The following MLN variants were observed in gnomAD, a reference collection of about 807,000 sequenced individuals.
The protein encoded by MLN is promotilin.
In MLN, 14 loss-of-function variants were observed where a neutral mutation model predicts 13.3. The observed-to-expected ratio is 1.05, with a 90% confidence interval of 0.69 to 1.64. The LOEUF is 1.64. Ranked by LOEUF, MLN falls within the 40% of genes most tolerant of loss-of-function variation. The probability of loss-of-function intolerance (pLI) is 0.00; values close to 1 mark genes in which losing one functional copy is unlikely to be tolerated. For synonymous variants in MLN, 59 were observed against 54.7 expected (o/e 1.08, Z -0.34); for missense variants, 122 against 142.9 (o/e 0.85, Z 0.75).
At chr6:33,796,180 G>C (rs1323143512) in intron 3 of MLN, among the ~76,000 whole-genome samples, 1 of 152,144 alleles carries the variant, frequency 6.6e-6, no homozygotes, top group Non-Finnish European at 1.5e-5. Context: ...AGTATTCTAA[G>C]CTTTACACTT....
At chr6:33,802,086 A>T (rs1465212515) in intron 1 of MLN, among the ~76,000 whole-genome samples, 1 of 152,086 alleles carries the variant, frequency 6.6e-6, no homozygotes, top group Non-Finnish European at 1.5e-5. Context: ...GGCCTAGCTG[A>T]GTGCCAGCCA....
At chr6:33,802,928 C>T (rs945124559) in intron 1 of MLN, among the ~76,000 whole-genome samples, 1 of 152,168 alleles carries the variant, frequency 6.6e-6, no homozygotes, top group Admixed American at 6.5e-5. Flanking sequence ...ATCCCATTTC[C>T]TTCACAGAGA....
intron 4 of MLN, among the ~76,000 whole-genome samples, 191 bp from the exon 5 acceptor site, chr6:33,795,026 C>G (rs949921422): frequency 2.6e-5 from 4 of 152,234 alleles, no homozygotes; most frequent in Non-Finnish European, 5.9e-5. Flanking sequence ...CCCAGTTTCT[C>G]CATCACTAAC....
intron 1 of MLN, among the ~76,000 whole-genome samples, chr6:33,802,216 G>A (rs1413775888): frequency 2.0e-5 from 3 of 152,176 alleles, no homozygotes; most frequent in Non-Finnish European, 4.4e-5. Flanking sequence ...GGCACAGGGG[G>A]CAGGCCTGTT....
chr6:33,798,679 C>T (rs1221578783), intron 3 of MLN, among the ~76,000 whole-genome samples: 1 of 152,228 alleles, frequency 6.6e-6, no homozygotes, highest in Non-Finnish European at 1.5e-5. Context: ...ACTCGACTAA[C>T]CCCTGCCACA....
chr6:33,800,962 G>T, intron 2 of MLN, 85 bp downstream of exon 2: 1 of 1,071,090 alleles, frequency 9.3e-7, no homozygotes, highest in Non-Finnish European at 1.4e-6. Context: ...TTGGGTCCTG[G>T]TCCTTTACAC....
chr6:33,796,526 CT>C (rs1385733013), intron 3 of MLN, among the ~76,000 whole-genome samples: 1 of 152,248 alleles, frequency 6.6e-6, no homozygotes, highest in Non-Finnish European at 1.5e-5. Context: ...GCTGCACAAA[CT>C]AGCCAGCAGA....
At position 33,795,586 on chromosome 6, in the gene MLN, A is replaced by G. The variant is rs758070439; in HGVS notation, c.254T>C (p.Ile85Thr). 6 of 1,559,646 alleles carry G rather than the reference A, an allele frequency of 3.8e-6. No individual in the cohort carries two copies. The highest frequency in any genetic ancestry group is 2.4e-5 in the East Asian group (1 of 42,330). The change falls in exon 4 of 5, where the codon ATT (isoleucine) becomes ACT (threonine). Residue 85 changes from isoleucine (I) to threonine (T), a missense_variant. By Grantham distance (89) the Ile-to-Thr change is moderately conservative. Coordinates refer to ENST00000430124, the MANE Select transcript of MLN (RefSeq NM_002418.3). ...CTGTCTGGAGTTCATCCTCATTCCA[A>G]TTTCCAGAGGAGCAGTCAGCTGTGA... Reference protein sequence around the residue: ...EMIKLTAPLEIGMRMNSRQLE... With the variant: ...EMIKLTAPLETGMRMNSRQLE...
At chr6:33,800,467 C>T (rs927520983) in intron 2 of MLN, among the ~76,000 whole-genome samples, 86 of 152,318 alleles carry the variant, frequency 5.6e-4, no homozygotes, top group African/African-American at 1.9e-3. Context: ...CCTTGTTTCC[C>T]GCCTCTGGGC....
At position 33,799,138 on chromosome 6, in the gene MLN, C is replaced by A; in HGVS notation, c.201G>T (p.Glu67Asp). The stretch of plus-strand genomic sequence containing the variant: ...TTTCGTTTTCTTCTTCCCTGATGGG[C>A]TCCGCAGGGTCTACAGGACCTTCCT... ...SGEEGPVDPA[E>D]PIREEENEMI... Residue 67 changes from glutamate (E) to aspartate (D), a missense_variant, in exon 3 of 5, where the codon GAG becomes GAT. Physicochemically the swap from Glu to Asp is conservative, Grantham distance 45. Coordinates refer to ENST00000430124, the MANE Select transcript of MLN (RefSeq NM_002418.3). The surrounding 1 kb of genome is among the most constrained non-coding windows in gnomAD (Gnocchi z 4.6). 6.2e-7 allele frequency: 1 copy of A among 1,611,804 alleles called. No homozygotes were observed. Among genetic ancestry groups the A allele is most frequent in the Non-Finnish European group, 8.5e-7 (1 of 1,178,236 alleles).
chr6:33,801,056 CTG>C lies in MLN; in HGVS notation c.106_107del (p.Gln36GlufsTer9), dbSNP rs760970407. The C allele has an allele frequency of 5.0e-6, 8 of 1,613,804 alleles. No homozygotes were observed. In the Admixed American group the frequency reaches 1.3e-4, roughly 27 times the overall value. On this transcript the variant is annotated frameshift_variant, in exon 2 of 5. Transcript: ENST00000430124. LOFTEE classifies it high-confidence loss of function. ...FVPIFTYGEL[Q>X]RMQEKERNKG... ...AGCAGGGGGTTCTTACCTGCATCCT[CTG>C]GAGTTCGCCATAGGTGAAGATGGGG...
At position 33,799,076 on chromosome 6, in the gene MLN, T is replaced by G; in HGVS notation, c.234+29A>C. ...GGGAATGCATGCCCTGCTCTGAGTT[T>G]CTCTCCTTTGTCCCAGTTGTCTGCT... On this transcript the variant is annotated intron_variant, in intron 3 of 4. Transcript: ENST00000430124. This position sits in a 1 kb window ranked among gnomAD's most constrained non-coding sequence, Gnocchi z 4.6. 1 of 1,512,642 alleles carries G rather than the reference T, an allele frequency of 6.6e-7. No homozygotes were observed. The highest frequency in any genetic ancestry group is 9.2e-7 in the Non-Finnish European group (1 of 1,091,654). 93.7% of individuals were successfully genotyped at this position (1,512,642 alleles called of 1,614,324 possible).
At chr6:33,798,255 C>T (rs1012380631) in intron 3 of MLN, among the ~76,000 whole-genome samples, 1 of 152,212 alleles carries the variant, frequency 6.6e-6, no homozygotes, top group African/African-American at 2.4e-5. Context: ...GATCTTGTTT[C>T]TTCTTTCCTA....
chr6:33,796,900 C>A (rs1370217919), intron 3 of MLN, among the ~76,000 whole-genome samples: 2 of 152,228 alleles, frequency 1.3e-5, no homozygotes, highest in African/African-American at 4.8e-5. Context: ...TGTCCCCGGG[C>A]AACCTTGGAG....
intron 3 of MLN, among the ~76,000 whole-genome samples, chr6:33,796,047 C>T (rs1290497239): frequency 6.6e-6 from 1 of 151,290 alleles, no homozygotes; most frequent in Non-Finnish European, 1.5e-5. Context: ...GCAAGCTCCG[C>T]CTCCCGGGTT....
At chr6:33,798,635 C>A (rs1176709622) in intron 3 of MLN, among the ~76,000 whole-genome samples, 3 of 152,338 alleles carry the variant, frequency 2.0e-5, no homozygotes, top group East Asian at 1.9e-4. Flanking sequence ...TGCATGCAGG[C>A]CCTGCCTGGG....
chr6:33,801,762 G>A (rs930454580), intron 1 of MLN, among the ~76,000 whole-genome samples: 1 of 152,368 alleles, frequency 6.6e-6, no homozygotes, highest in East Asian at 1.9e-4. Context: ...CCCCTTCCCC[G>A]TTGGGGGAGC....
Position 33,801,136 on chromosome 6 carries a change from G to T in MLN, c.28C>A (p.Leu10Met). Residue 10 changes from leucine to methionine, a missense_variant, in exon 2 of 5, where the codon CTG becomes ATG. Leu to Met is a conservative substitution (Grantham distance 15, BLOSUM62 2). Transcript: ENST00000430124. MVSRKAVAA[L>M]LVVHVAAMLA... ...ATGGCAGCTACATGCACCACCAGCA[G>T]AGCAGCCACAGCCTTACGGGATACC... 2 of 1,613,996 alleles carry T rather than the reference G, an allele frequency of 1.2e-6. No individual in the cohort carries two copies. Among genetic ancestry groups the T allele is most frequent in the Non-Finnish European group, 1.7e-6 (2 of 1,179,938 alleles).
chr6:33,803,307 C>CAT lies in MLN; in HGVS notation c.-8+645_-8+646insAT, dbSNP rs1760895929. On this transcript the variant is annotated intron_variant, in intron 1 of 4. Coordinates refer to ENST00000430124, the MANE Select transcript of MLN (RefSeq NM_002418.3). The surrounding 1 kb of genome is among the most constrained non-coding windows in gnomAD (Gnocchi z 4.5). ...CTTTTTCTTTTCCTTTTCTTTTCTT[C>CAT]TTTTTTTTTTTTTTTTCTGAGATGG... Among the ~76,000 whole-genome samples the CAT allele has an allele frequency of 7.3e-6, 1 of 136,146 alleles. No homozygotes were observed. Among genetic ancestry groups the CAT allele is most frequent in the South Asian group, 2.3e-4 (1 of 4,296 alleles). 89.3% of individuals were successfully genotyped at this position (136,146 alleles called of 152,430 possible).
Sources: gnomAD v4.1 joint callset for allele counts (sites outside exome capture counted in the v4.1 genomes callset) on GRCh38, gnomAD v4.1.1 for gene constraint, Gnocchi (gnomAD v3.1) non-coding constraint, MANE v1.5 for transcripts, NCBI Gene and HGNC (gene_info 2026-07-23, HGNC 2026-07-21) for gene names.